Variants in FYB1 observed in about 807,000 individuals in gnomAD.
FYB1 encodes FYN binding protein 1.
A neutral mutation model predicts 94.1 loss-of-function variants in FYB1; 41 were observed. That is an observed-to-expected ratio of 0.44 (90% CI 0.34 to 0.57). The LOEUF is 0.57. Ranked by LOEUF, FYB1 falls within the 20% of genes least tolerant of loss-of-function variation. FYB1 has a pLI of 0.02. For synonymous variants in FYB1, 367 were observed against 353.2 expected (o/e 1.04, Z -0.44); for missense variants, 1,050 against 976.8 (o/e 1.07, Z -1.00).
intron 2 of FYB1, among the ~76,000 whole-genome samples, chr5:39,183,799 A>G (rs1470360096): frequency 3.9e-5 from 6 of 152,194 alleles, no homozygotes; most frequent in Non-Finnish European, 5.9e-5. Flanking sequence ...GCAAGTTATT[A>G]AAAATGGAGA....
At chr5:39,215,708 C>T (rs940632958) in intron 1 of FYB1, among the ~76,000 whole-genome samples, 4 of 152,142 alleles carry the variant, frequency 2.6e-5, no homozygotes, top group Non-Finnish European at 4.4e-5. Context: ...AGGATTGGGG[C>T]ACCTTTTGGT....
At chr5:39,201,342 C>T (rs78666690) in intron 2 of FYB1, among the ~76,000 whole-genome samples, 36,375 of 152,006 alleles carry the variant, frequency 0.24, 5,177 homozygotes, top group Non-Finnish European at 0.33. Flanking sequence ...TCACTAGAGG[C>T]CAGTAGCACC....
At chr5:39,181,448 T>C (rs1187305458) in intron 2 of FYB1, among the ~76,000 whole-genome samples, 8 of 152,194 alleles carry the variant, frequency 5.3e-5, no homozygotes, top group African/African-American at 1.9e-4. Flanking sequence ...ATAGAACTGA[T>C]AGATCTATAG....
chr5:39,273,008 G>C (rs1290924243), intron 1 of FYB1, among the ~76,000 whole-genome samples: 1 of 152,220 alleles, frequency 6.6e-6, no homozygotes, highest in Non-Finnish European at 1.5e-5. Flanking sequence ...CGGCTGCCCT[G>C]TCCAGGAGGG....
chr5:39,161,198 C>T (rs1403150047), intron 2 of FYB1, among the ~76,000 whole-genome samples: 2 of 152,186 alleles, frequency 1.3e-5, no homozygotes, highest in Non-Finnish European at 2.9e-5. Context: ...TGGGTCTCCA[C>T]TGTCAACACC....
chr5:39,202,204 C>G lies in FYB1; in HGVS notation c.757G>C (p.Glu253Gln). The change falls in exon 2 of 19, where the codon GAG (glutamate) becomes CAG (glutamine). Residue 253 changes from glutamate to glutamine, a missense_variant. Physicochemically the swap from Glu to Gln is conservative, Grantham distance 29. Coordinates refer to ENST00000512982, the MANE Select transcript of FYB1 (RefSeq NM_001465.6). ...EDSENKDHAGEISSLPFPGVV... is the reference protein window; with the variant it reads ...EDSENKDHAGQISSLPFPGVV... ...CCAGGAAAGGGCAAACTTGAAATCT[C>G]CCCTGCATGGTCTTTATTTTCTGAG... 6.2e-7 allele frequency: 1 copy of G among 1,614,020 alleles called. No homozygotes were observed. Among genetic ancestry groups the G allele is most frequent in the Non-Finnish European group, 8.5e-7 (1 of 1,179,888 alleles).
intron 12 of FYB1, among the ~76,000 whole-genome samples, chr5:39,124,954 C>CACAT (rs1554021581): frequency 1.4e-5 from 2 of 142,898 alleles, no homozygotes; most frequent in Non-Finnish European, 3.0e-5. Flanking sequence ...CACACACACA[C>CACAT]GTACACACAC....
At chr5:39,274,471 A>G (rs1307458147) in exon 1 of FYB1, 2 of 152,128 alleles carry the variant, frequency 1.3e-5, no homozygotes, top group African/African-American at 2.4e-5. Flanking sequence ...CCTGCAGGCC[A>G]CACTACAAAA....
Position 39,250,983 on chromosome 5 carries a change from G to T in FYB1, c.-28+23420C>A, listed in dbSNP as rs370455781. ...TTTAAGATGGAATCATGTCATTTTT[G>T]AGTGTTTTATTTGGCAATTTAATGG... is the stretch of plus-strand genomic sequence containing the variant. On this transcript the variant is annotated intron_variant, in intron 1 of 1. Coordinates refer to the FYB1 transcript ENST00000510188. Among the ~76,000 whole-genome samples, 55 of 152,228 alleles carry T rather than the reference G, an allele frequency of 3.6e-4. 1 individual carries two copies. Among genetic ancestry groups the T allele is most frequent in the African/African-American group, 1.2e-3 (51 of 41,536 alleles).
chr5:39,202,748 C>G lies in FYB1; in HGVS notation c.213G>C (p.Glu71Asp), dbSNP rs759791724. Residue 71 changes from glutamate to aspartate, a missense_variant, in exon 2 of 19, where the codon GAG (glutamate) becomes GAC (aspartate). By Grantham distance (45) the Glu-to-Asp change is conservative (BLOSUM62 2). Transcript: ENST00000512982. Reference protein sequence around the residue: ...KPPVAVKPSSEEKPDKEPKPP... With the variant: ...KPPVAVKPSSDEKPDKEPKPP... ...GCTTGGGTTCCTTGTCAGGCTTTTC[C>G]TCAGAAGAAGGTTTGACTGCCACAG... The G allele has an allele frequency of 8.1e-6, 13 of 1,613,934 alleles. No homozygotes were observed. The Admixed American group carries it at 1.7e-4, about 21-fold the overall frequency.
chr5:39,157,317 G>A (rs930280870), intron 2 of FYB1, among the ~76,000 whole-genome samples: 2 of 152,060 alleles, frequency 1.3e-5, no homozygotes, highest in African/African-American at 4.8e-5. Context: ...TTTTTGATTT[G>A]TATTTTTCCT....
At chr5:39,145,614 T>A (rs1379009248) in intron 3 of FYB1, among the ~76,000 whole-genome samples, 1 of 152,144 alleles carries the variant, frequency 6.6e-6, no homozygotes, top group Non-Finnish European at 1.5e-5. Flanking sequence ...GAATTGAATA[T>A]TAATTAAAAA....
intron 3 of FYB1, among the ~76,000 whole-genome samples, chr5:39,143,380 C>T (rs1179430820): frequency 1.3e-5 from 2 of 150,224 alleles, no homozygotes. Context: ...TACACCAGTT[C>T]CCCATACTAA....
intron 17 of FYB1, among the ~76,000 whole-genome samples, chr5:39,109,684 T>C (rs1293062052): frequency 2.0e-5 from 3 of 152,134 alleles, no homozygotes; most frequent in Non-Finnish European, 4.4e-5. Flanking sequence ...CTGTAAATCT[T>C]TGCATTGGCA....
intron 16 of FYB1, 93 bp from the exon 17 acceptor site, chr5:39,110,482 C>A: frequency 1.3e-6 from 1 of 755,612 alleles, no homozygotes; most frequent in East Asian, 2.7e-5. Context: ...AGAGAGTAAT[C>A]ATAGTATATT....
At chr5:39,211,734 A>G (rs1749412624) in intron 1 of FYB1, among the ~76,000 whole-genome samples, 1 of 152,230 alleles carries the variant, frequency 6.6e-6, no homozygotes, top group Non-Finnish European at 1.5e-5. Flanking sequence ...AGCGAAAAAT[A>G]GAAATGTTAT....
chr5:39,197,673 A>G (rs1747951594), intron 2 of FYB1, among the ~76,000 whole-genome samples: 1 of 152,280 alleles, frequency 6.6e-6, no homozygotes, highest in Non-Finnish European at 1.5e-5. Context: ...GATAACAGCC[A>G]TCTATACTGG....
intron 2 of FYB1, among the ~76,000 whole-genome samples, chr5:39,183,056 C>T (rs1175185840): frequency 6.6e-6 from 1 of 152,118 alleles, no homozygotes; most frequent in African/African-American, 2.4e-5. Context: ...GAGTTTCACC[C>T]TTGTTGCCCA....
intron 1 of FYB1, among the ~76,000 whole-genome samples, chr5:39,264,065 C>T (rs1238249931): frequency 6.6e-6 from 1 of 152,156 alleles, no homozygotes; most frequent in Non-Finnish European, 1.5e-5. Flanking sequence ...GGACAGAGCC[C>T]TCACTCTGTG....
Sources: gnomAD v4.1 joint callset for allele counts (sites outside exome capture counted in the v4.1 genomes callset) on GRCh38, gnomAD v4.1.1 for gene constraint, MANE v1.5 for transcripts, NCBI Gene and HGNC (gene_info 2026-07-23, HGNC 2026-07-21) for gene names.